The following NR1H4 variants were observed in gnomAD, a reference collection of about 807,000 sequenced individuals.
NR1H4 encodes the protein bile acid receptor.
Under a neutral mutation model 58.5 loss-of-function variants are expected in NR1H4, and 23 were observed. That is an observed-to-expected ratio of 0.39 (90% CI 0.28 to 0.56). The LOEUF is 0.56. NR1H4 is among the 20% of genes least tolerant of loss of function. The pLI is 0.58. For synonymous variants in NR1H4, 214 were observed against 198.0 expected, an observed-to-expected ratio of 1.08 and a Z score of -0.68; for missense variants, 487 against 576.9, an observed-to-expected ratio of 0.84 and a Z score of 1.60.
At chr12:100,494,375 T>A (rs1022655829) in intron 3 of NR1H4, among the ~76,000 whole-genome samples, 1 of 152,194 alleles carries the variant, frequency 6.6e-6, no homozygotes, top group African/African-American at 2.4e-5. Flanking sequence ...CTCCATACAG[T>A]ACAAATGCAT....
At chr12:100,518,859 T>G (rs567973749) in intron 4 of NR1H4, among the ~76,000 whole-genome samples, 13 of 151,088 alleles carry the variant, frequency 8.6e-5, no homozygotes, top group African/African-American at 3.2e-4. Flanking sequence ...GTGGCAATCT[T>G]GGCCCACAGC....
chr12:100,512,218 G>A (rs1189031633), intron 4 of NR1H4, among the ~76,000 whole-genome samples: 1 of 152,104 alleles, frequency 6.6e-6, no homozygotes, highest in African/African-American at 2.4e-5. Flanking sequence ...GAATGACAGA[G>A]AGAGACCCTG....
At chr12:100,483,985 GAA>G (rs61582838) in intron 1 of NR1H4, among the ~76,000 whole-genome samples, 3,880 of 70,130 alleles carry the variant, frequency 0.055, 149 homozygotes, top group African/African-American at 0.14. Context: ...CTCTGTCTCA[GAA>G]AAAAAAAAAA....
At chr12:100,497,573 G>A (rs1183443179) in intron 3 of NR1H4, among the ~76,000 whole-genome samples, 20 of 152,138 alleles carry the variant, frequency 1.3e-4, no homozygotes, top group Admixed American at 1.0e-3. Flanking sequence ...AATCTAGCCC[G>A]TCGGTAACTG....
chr12:100,513,228 T>C lies in NR1H4; in HGVS notation c.445+2085T>C, dbSNP rs146548010. On this transcript the variant is annotated intron_variant, in intron 4 of 10. Transcript: ENST00000392986. ...CACAGTGCCTGGTACATAGTAAATATGGAATGTCTTTTGAATGACACAATG... is the reference window on the plus strand; with the variant it reads ...CACAGTGCCTGGTACATAGTAAATACGGAATGTCTTTTGAATGACACAATG... Among the ~76,000 whole-genome samples, 20 of 152,326 alleles carry C rather than the reference T, an allele frequency of 1.3e-4. No homozygotes were observed. The East Asian group carries it at 3.3e-3, about 25-fold the overall frequency.
intron 10 of NR1H4, among the ~76,000 whole-genome samples, chr12:100,562,999 A>G (rs1212793657): frequency 1.3e-5 from 2 of 152,150 alleles, no homozygotes; most frequent in African/African-American, 4.8e-5. Flanking sequence ...CGTCCACCCT[A>G]CAGGTTATCT....
intron 5 of NR1H4, among the ~76,000 whole-genome samples, chr12:100,533,504 G>C (rs1954742997): frequency 6.6e-6 from 1 of 152,110 alleles, no homozygotes; most frequent in Non-Finnish European, 1.5e-5. Flanking sequence ...TCCAGCTCTG[G>C]GTGGATGAAA....
intron 9 of NR1H4, among the ~76,000 whole-genome samples, chr12:100,559,587 G>C (rs888555073): frequency 2.6e-5 from 4 of 152,184 alleles, no homozygotes; most frequent in Non-Finnish European, 5.9e-5. Context: ...CGCTGCGCTG[G>C]ATTTCTCACC....
rs1368750021 is a variant in NR1H4, at chr12:100,527,751, G to A, written c.446-4707G>A. On this transcript the variant is annotated intron_variant, in intron 4 of 10. Transcript: ENST00000392986. ...TATGAGTGAGAACATATGGTGTTTG[G>A]TTTTTTGTCCTTGCGATCGTTTGCT... is the stretch of plus-strand genomic sequence containing the variant. Among the ~76,000 whole-genome samples the A allele has an allele frequency of 5.3e-5, 8 of 152,196 alleles. No individual in the cohort carries two copies. The East Asian group carries it at 1.5e-3, about 29-fold the overall frequency.
intron 9 of NR1H4, among the ~76,000 whole-genome samples, chr12:100,559,277 G>A (rs1955405885): frequency 6.6e-6 from 1 of 152,198 alleles, no homozygotes; most frequent in Non-Finnish European, 1.5e-5. Context: ...TCCCACTTTG[G>A]CAGCACTTGA....
At chr12:100,496,626 T>C (rs1340866040) in intron 3 of NR1H4, among the ~76,000 whole-genome samples, 1 of 152,154 alleles carries the variant, frequency 6.6e-6, no homozygotes, top group African/African-American at 2.4e-5. Flanking sequence ...AATTAAACAT[T>C]TGAGTCCACA....
At chr12:100,555,163 G>T (rs762685828) in intron 9 of NR1H4, among the ~76,000 whole-genome samples, 1 of 152,134 alleles carries the variant, frequency 6.6e-6, no homozygotes, top group Non-Finnish European at 1.5e-5. Flanking sequence ...GGTAATCAAA[G>T]AAATTTCTAA....
chr12:100,474,622 G>A (rs998806201), intron 1 of NR1H4, among the ~76,000 whole-genome samples: 2 of 152,184 alleles, frequency 1.3e-5, no homozygotes, highest in African/African-American at 4.8e-5. Flanking sequence ...ATATCAGATG[G>A]AAATATTTTT....
At chr12:100,503,960 T>C (rs377575596) in intron 3 of NR1H4, among the ~76,000 whole-genome samples, 2 of 151,794 alleles carry the variant, frequency 1.3e-5, no homozygotes, top group South Asian at 4.2e-4. Flanking sequence ...CCTCAAGGAG[T>C]AAAGACAAGT....
At chr12:100,562,021 A>G (rs200549202) in intron 10 of NR1H4, 23 bp downstream of exon 10, 53 of 1,139,466 alleles carry the variant, frequency 4.7e-5, no homozygotes, top group Non-Finnish European at 4.3e-5. Flanking sequence ...TTACATTTTA[A>G]TTTTTATGCC....
intron 9 of NR1H4, among the ~76,000 whole-genome samples, chr12:100,553,697 C>T (rs1207169001): frequency 6.6e-6 from 1 of 152,184 alleles, no homozygotes; most frequent in Non-Finnish European, 1.5e-5. Context: ...AGGGGCAGAA[C>T]CCACCATCGG....
chr12:100,485,545 A>AT (rs902307264), intron 1 of NR1H4, among the ~76,000 whole-genome samples: 117 of 151,294 alleles, frequency 7.7e-4, no homozygotes, highest in African/African-American at 2.4e-3. Flanking sequence ...TTATTTTTTA[A>AT]TTTTTTTTGA....
chr12:100,528,719 T>C, intron 4 of NR1H4, among the ~76,000 whole-genome samples: 1 of 152,246 alleles, frequency 6.6e-6, no homozygotes, highest in South Asian at 2.1e-4. Context: ...ATTGTGTTGC[T>C]ATTCAGAGTG....
rs748640636 is a variant in NR1H4, at chr12:100,532,451, C to T, written c.446-7C>T. On this transcript the variant is annotated splice_polypyrimidine_tract_variant and splice_region_variant and intron_variant, in intron 4 of 10. Coordinates refer to ENST00000392986, the MANE Select transcript of NR1H4 (RefSeq NM_001206979.2). ...ACTTTTTACACTTTTCAGTGTTTCT[C>T]CCACAGGTTTCTTCAGGAGAAGCAT... is the stretch of plus-strand genomic sequence containing the variant. The T allele has an allele frequency of 1.5e-5, 24 of 1,613,870 alleles. No individual in the cohort carries two copies. The highest frequency in any genetic ancestry group is 6.7e-5 in the Admixed American group (4 of 60,000).
Sources: allele counts gnomAD v4.1 joint callset (sites outside exome capture counted in the v4.1 genomes callset), GRCh38; gene constraint gnomAD v4.1.1; transcripts MANE v1.5; gene names NCBI Gene and HGNC (gene_info 2026-07-23, HGNC 2026-07-21).